The following SLC38A4 variants were observed in gnomAD, a reference collection of about 807,000 sequenced individuals.
SLC38A4 encodes solute carrier family 38 member 4.
A neutral mutation model predicts 63.1 loss-of-function variants in SLC38A4; 20 were observed. That is an observed-to-expected ratio of 0.32 (90% CI 0.22 to 0.46). The LOEUF is 0.46. Among genes scored for constraint, SLC38A4 ranks in the 20% least tolerant of loss-of-function variants. The probability of loss-of-function intolerance (pLI) is 1.00; values close to 1 mark genes in which losing one functional copy is unlikely to be tolerated. For synonymous variants in SLC38A4, 230 were observed against 225.5 expected, an observed-to-expected ratio of 1.02 and a Z score of -0.18; for missense variants, 526 against 663.6, an observed-to-expected ratio of 0.79 and a Z score of 2.28.
chr12:46,784,655 G>C (rs753784625), intron 6 of SLC38A4, 21 bp from the exon 7 acceptor site: 1 of 1,576,172 alleles, frequency 6.3e-7, no homozygotes, highest in Non-Finnish European at 8.7e-7. Context: ...AGATAAAATA[G>C]CCTTGTTAAA....
chr12:46,812,899 A>G (rs550561536), intron 1 of SLC38A4, among the ~76,000 whole-genome samples: 3 of 152,200 alleles, frequency 2.0e-5, no homozygotes, highest in Non-Finnish European at 4.4e-5. Flanking sequence ...TGAATGTTTC[A>G]ATTTCACTAA....
chr12:46,774,740 A>G (rs914032188), intron 14 of SLC38A4, among the ~76,000 whole-genome samples: 2 of 152,056 alleles, frequency 1.3e-5, no homozygotes, highest in East Asian at 3.9e-4. Flanking sequence ...AAGGTTCCAA[A>G]GTTATATGAA....
At chr12:46,812,963 A>AT (rs1339347300) in intron 1 of SLC38A4, among the ~76,000 whole-genome samples, 1 of 151,994 alleles carries the variant, frequency 6.6e-6, no homozygotes, top group Non-Finnish European at 1.5e-5. Context: ...TGTCTTTAGT[A>AT]TTTTTTTAAT....
At chr12:46,777,974 C>A (rs1938564821) in intron 12 of SLC38A4, among the ~76,000 whole-genome samples, 1 of 151,936 alleles carries the variant, frequency 6.6e-6, no homozygotes, top group South Asian at 2.1e-4. Context: ...CAGCTGACAT[C>A]GTTTCTTCCG....
intron 1 of SLC38A4, among the ~76,000 whole-genome samples, chr12:46,808,834 G>A (rs1939286487): frequency 6.6e-6 from 1 of 152,038 alleles, no homozygotes; most frequent in Admixed American, 6.6e-5. Context: ...AAACAGCACT[G>A]CTAAGAGATG....
At chr12:46,767,238 A>ATG (rs63298462) in intron 16 of SLC38A4, among the ~76,000 whole-genome samples, 3,596 of 150,928 alleles carry the variant, frequency 0.024, 134 homozygotes, top group African/African-American at 0.082. Flanking sequence ...AAGTGTATAT[A>ATG]TGTGTGTGTG....
chr12:46,787,569 A>G (rs1248315209), intron 5 of SLC38A4, among the ~76,000 whole-genome samples: 1 of 152,136 alleles, frequency 6.6e-6, no homozygotes, highest in Non-Finnish European at 1.5e-5. Flanking sequence ...ATGGGACATA[A>G]GGTAGGCAAG....
upstream of SLC38A4, among the ~76,000 whole-genome samples, chr12:46,827,134 G>A (rs1303353890): frequency 6.6e-6 from 1 of 152,168 alleles, no homozygotes; most frequent in Non-Finnish European, 1.5e-5. Context: ...GGCAGAAATA[G>A]CCAACAAGAA....
At chr12:46,817,884 T>C (rs1191257803) in intron 1 of SLC38A4, among the ~76,000 whole-genome samples, 1 of 151,906 alleles carries the variant, frequency 6.6e-6, no homozygotes, top group African/African-American at 2.4e-5. Flanking sequence ...TTAGATATAC[T>C]AATAAAGTAA....
chr12:46,794,073 A>G (rs1050706014), intron 2 of SLC38A4, among the ~76,000 whole-genome samples: 6 of 152,164 alleles, frequency 3.9e-5, no homozygotes, highest in Non-Finnish European at 8.8e-5. Flanking sequence ...GAGAAACACT[A>G]TCATTCTTGA....
At position 46,778,602 on chromosome 12, in the gene SLC38A4, C is replaced by G. The variant is rs199895728; in HGVS notation, c.892G>C (p.Asp298His). Residue 298 changes from aspartate (D) to histidine (H), a missense_variant, in exon 11 of 17, where the codon GAT becomes CAT. Physicochemically the swap from Asp to His is moderately conservative, Grantham distance 81 (BLOSUM62 -1). Coordinates refer to ENST00000266579, the MANE Select transcript of SLC38A4 (RefSeq NM_018018.5). ...DYTHRNPAGL[D>H]ENQAKGSLHD... Reference sequence around the variant, plus strand: ...AGAGAGCCCTTGGCCTGGTTCTCATCCAGCCCTGCAGGATTGCGGTGGGTG... The same window carrying G: ...AGAGAGCCCTTGGCCTGGTTCTCATGCAGCCCTGCAGGATTGCGGTGGGTG... 31 of 1,613,098 alleles carry G rather than the reference C, an allele frequency of 1.9e-5. No homozygotes were observed. Among genetic ancestry groups the G allele is most frequent in the Non-Finnish European group, 2.5e-5 (29 of 1,179,410 alleles).
At chr12:46,799,008 G>A (rs749403080) in intron 2 of SLC38A4, among the ~76,000 whole-genome samples, 5 of 152,150 alleles carry the variant, frequency 3.3e-5, no homozygotes, top group Non-Finnish European at 7.3e-5. Flanking sequence ...ATGAAATGAA[G>A]TTAATATTAT....
chr12:46,805,300 C>A (rs1211602434), intron 1 of SLC38A4, among the ~76,000 whole-genome samples: 1 of 151,986 alleles, frequency 6.6e-6, no homozygotes, highest in Non-Finnish European at 1.5e-5. Context: ...TTTAAACCTA[C>A]TCTACATAGC....
intron 14 of SLC38A4, among the ~76,000 whole-genome samples, chr12:46,771,132 C>A (rs1391977397): frequency 6.6e-6 from 1 of 152,072 alleles, no homozygotes; most frequent in Non-Finnish European, 1.5e-5. Context: ...GAAACTCATT[C>A]TGAAAAGGAA....
At chr12:46,816,521 T>C (rs918500456) in intron 1 of SLC38A4, among the ~76,000 whole-genome samples, 2 of 151,952 alleles carry the variant, frequency 1.3e-5, no homozygotes, top group African/African-American at 2.4e-5. Context: ...CTAAAGTATA[T>C]GCATAAAACG....
intron 2 of SLC38A4, among the ~76,000 whole-genome samples, chr12:46,796,107 G>A (rs1001146373): frequency 2.6e-5 from 4 of 151,932 alleles, no homozygotes; most frequent in African/African-American, 4.8e-5. Context: ...CTTACTGCTC[G>A]ATGTTCAGGA....
chr12:46,830,455 G>C (rs1460374586), upstream of SLC38A4, among the ~76,000 whole-genome samples: 1 of 152,074 alleles, frequency 6.6e-6, no homozygotes, highest in Admixed American at 6.6e-5. Flanking sequence ...CTAGGCCCTG[G>C]AAATTGAGAT....
intron 14 of SLC38A4, among the ~76,000 whole-genome samples, chr12:46,772,006 G>A (rs1938426232): frequency 6.6e-6 from 1 of 151,952 alleles, no homozygotes; most frequent in South Asian, 2.1e-4. Flanking sequence ...GACAACATCT[G>A]TTATTTCCAG....
chr12:46,784,430 T>G, intron 7 of SLC38A4, 112 bp downstream of exon 7: 1 of 653,446 alleles, frequency 1.5e-6, no homozygotes, highest in Non-Finnish European at 2.5e-6. Context: ...TTAAGAACTA[T>G]AAGTAGCAAT....
Sources: allele counts gnomAD v4.1 joint callset (sites outside exome capture counted in the v4.1 genomes callset), GRCh38; gene constraint gnomAD v4.1.1; transcripts MANE v1.5; gene names NCBI Gene and HGNC (gene_info 2026-07-23, HGNC 2026-07-21).